DCLK3: variants seen among roughly 807,000 people sequenced by gnomAD.
DCLK3 encodes the protein doublecortin like kinase 3.
A neutral mutation model predicts 46.4 loss-of-function variants in DCLK3; 30 were observed. The observed-to-expected ratio is 0.65, with a 90% CI of 0.48 to 0.88. DCLK3 has a LOEUF of 0.88. DCLK3 is among the 40% of genes least tolerant of loss of function. DCLK3 has a pLI of 0.00. For synonymous variants in DCLK3, 401 were observed against 339.2 expected (o/e 1.18, Z -2.00); for missense variants, 846 against 907.1 (o/e 0.93, Z 0.87).
intron 1 of DCLK3, among the ~76,000 whole-genome samples, chr3:36,753,009 G>A (rs1469729966): frequency 6.6e-6 from 1 of 152,082 alleles, no homozygotes; most frequent in Non-Finnish European, 1.5e-5. Context: ...ACTAAAAATT[G>A]ATATTGTCAA....
chr3:36,763,455 T>A (rs987359975), intron 1 of DCLK3, among the ~76,000 whole-genome samples: 3 of 152,372 alleles, frequency 2.0e-5, no homozygotes, highest in Non-Finnish European at 2.9e-5. Flanking sequence ...GTAAATGTGA[T>A]CCTATATTTG....
At chr3:36,753,377 G>A (rs560761360) in intron 1 of DCLK3, among the ~76,000 whole-genome samples, 1 of 152,236 alleles carries the variant, frequency 6.6e-6, no homozygotes, top group Non-Finnish European at 1.5e-5. Context: ...TTTGTGGCCA[G>A]GTGAACATGT....
intron 2 of DCLK3, among the ~76,000 whole-genome samples, chr3:36,725,459 G>A (rs1701115907): frequency 6.6e-6 from 1 of 151,986 alleles, no homozygotes; most frequent in Non-Finnish European, 1.5e-5. Context: ...TCTACAAATA[G>A]TAAAAATATT....
intron 2 of DCLK3, 100 bp from the exon 3 acceptor site, chr3:36,721,759 A>G: frequency 7.1e-7 from 1 of 1,411,320 alleles, no homozygotes; most frequent in Non-Finnish European, 9.9e-7. Flanking sequence ...AAAGCAAACC[A>G]TAAACCTATA....
chr3:36,716,189 G>C (rs1357520492), intron 4 of DCLK3, among the ~76,000 whole-genome samples: 1 of 152,186 alleles, frequency 6.6e-6, no homozygotes, highest in African/African-American at 2.4e-5. Context: ...AAGCAGAAGA[G>C]ATTTCCCCCT....
In DCLK3 at chr3:36,738,229, C is replaced by A; in HGVS notation, c.938G>T (p.Arg313Ile). The change falls in exon 2 of 5, where the codon AGA (arginine) becomes ATA (isoleucine). Residue 313 changes from arginine to isoleucine, a missense_variant. Physicochemically the swap from Arg to Ile is moderately conservative, Grantham distance 97. Transcript: ENST00000636136. ...CAGGCTCTGCTGGAGCTCCCTCTCT[C>A]TCTTGCACTTCTCGCATCTGATAAT... ...GEIIRCEKCK[R>I]ERELQQSLER... is the part of the protein sequence containing the mutation. 2 of 1,595,672 alleles carry A rather than the reference C, an allele frequency of 1.3e-6. No individual in the cohort carries two copies. Among genetic ancestry groups the A allele is most frequent in the South Asian group, 1.1e-5 (1 of 87,408 alleles).
rs1701569689 is a variant in DCLK3 at position 36,764,534 on chromosome 3, A to G, written c.-271T>C. 6.6e-6 allele frequency among the ~76,000 whole-genome samples: 1 copy of G among 151,858 alleles called. No homozygotes were observed. The highest frequency in any genetic ancestry group is 6.5e-5 in the Admixed American group (1 of 15,272). The stretch of plus-strand genomic sequence containing the variant: ...CCGCCCTCTCTGCGCCGGTCCCGCC[A>G]TGCGCGCCGCTCCTGGCCCTGGAGG... On this transcript the variant is annotated 5_prime_UTR_variant, in exon 1 of 5. The change abolishes an upstream ATG in the 5' untranslated region. Transcript: ENST00000636136. The surrounding 1 kb of genome is among the most constrained non-coding windows in gnomAD (Gnocchi z 4.9).
At chr3:36,746,322 C>T (rs1701392899) in intron 1 of DCLK3, among the ~76,000 whole-genome samples, 1 of 152,176 alleles carries the variant, frequency 6.6e-6, no homozygotes, top group Non-Finnish European at 1.5e-5. Flanking sequence ...AAGCTACTCG[C>T]AAATTTAAAG....
rs1559390583 is a variant in DCLK3, at chr3:36,737,191, CA to C, written c.1959+16del. On this transcript the variant is annotated intron_variant, in intron 2 of 4. Coordinates refer to ENST00000636136, the MANE Select transcript of DCLK3 (RefSeq NM_001394672.2). The surrounding 1 kb of genome is among the most constrained non-coding windows in gnomAD (Gnocchi z 4.4). The stretch of plus-strand genomic sequence containing the variant: ...CTAAAAACACCCTCTCCCATATCAT[CA>C]AAAGTCAAGGCTTACCAAAAGGTTT... The C allele has an allele frequency of 1.2e-6, 2 of 1,605,874 alleles. No individual in the cohort carries two copies. Among genetic ancestry groups the C allele is most frequent in the Non-Finnish European group, 1.7e-6 (2 of 1,174,852 alleles).
At chr3:36,721,052 T>G (rs990044267) in intron 3 of DCLK3, among the ~76,000 whole-genome samples, 1 of 152,326 alleles carries the variant, frequency 6.6e-6, no homozygotes. Context: ...ATTGGATCCT[T>G]GCATAATATA....
Position 36,718,183 on chromosome 3 carries a change from C to T in DCLK3, c.2093-6G>A. On this transcript the variant is annotated splice_region_variant and splice_polypyrimidine_tract_variant and intron_variant, in intron 3 of 4. Coordinates refer to ENST00000636136, the MANE Select transcript of DCLK3 (RefSeq NM_001394672.2). ...GTCCACCTCCAGTCCATAACCTGCG[C>T]AGACAGAGGCAGAGACACAAGCAAA... 1 of 1,613,668 alleles carries T rather than the reference C, an allele frequency of 6.2e-7. No homozygotes were observed. Among genetic ancestry groups the T allele is most frequent in the Non-Finnish European group, 8.5e-7 (1 of 1,179,968 alleles).
intron 1 of DCLK3, among the ~76,000 whole-genome samples, chr3:36,756,411 G>A (rs1161219589): frequency 2.0e-5 from 3 of 152,178 alleles, no homozygotes; most frequent in Non-Finnish European, 4.4e-5. Flanking sequence ...GTGTTGCAGT[G>A]GCTTGCAGTG....
chr3:36,723,336 T>C (rs1378756936), intron 2 of DCLK3, among the ~76,000 whole-genome samples: 1 of 152,132 alleles, frequency 6.6e-6, no homozygotes, highest in Non-Finnish European at 1.5e-5. Context: ...TTTGGAAAAT[T>C]TGCAGCCTGA....
chr3:36,763,836 T>A (rs532009026), intron 1 of DCLK3, among the ~76,000 whole-genome samples: 1 of 152,344 alleles, frequency 6.6e-6, no homozygotes, highest in Non-Finnish European at 1.5e-5. Flanking sequence ...GCCTTCTCCC[T>A]TCTGCAGCCT....
chr3:36,761,116 G>A (rs1475933437), intron 1 of DCLK3, among the ~76,000 whole-genome samples: 1 of 152,170 alleles, frequency 6.6e-6, no homozygotes, highest in Non-Finnish European at 1.5e-5. Flanking sequence ...GTCCCTTCAT[G>A]CAGCCACTGA....
chr3:36,715,179 T>G lies in DCLK3; in HGVS notation c.*149A>C, dbSNP rs533805237. The stretch of plus-strand genomic sequence containing the variant: ...TGACATTTAACATTGACTTAATTTT[T>G]TTAATATGCTTTAAAATATACTCAG... On this transcript the variant is annotated 3_prime_UTR_variant, in exon 5 of 5. Coordinates refer to ENST00000636136, the MANE Select transcript of DCLK3 (RefSeq NM_001394672.2). 11 of 855,176 alleles carry G rather than the reference T, an allele frequency of 1.3e-5. No homozygotes were observed. In the African/African-American group the frequency reaches 1.4e-4, roughly 11 times the overall value. 53.0% of individuals were successfully genotyped at this position (855,176 alleles called of 1,614,324 possible). A position where few individuals can be genotyped will look rare whatever the true frequency, so the allele number is the denominator to read the frequency against.
chr3:36,751,081 A>AC (rs1026220072), intron 1 of DCLK3, among the ~76,000 whole-genome samples: 1 of 151,492 alleles, frequency 6.6e-6, no homozygotes, highest in Non-Finnish European at 1.5e-5. Context: ...AAAAAAAAAA[A>AC]AAAAACTCCC....
At chr3:36,725,032 G>A (rs1575136550) in intron 2 of DCLK3, among the ~76,000 whole-genome samples, 2 of 147,640 alleles carry the variant, frequency 1.4e-5, no homozygotes, top group South Asian at 4.3e-4. Context: ...AAAAAAAAAT[G>A]GGCCGGGCTC....
Position 36,737,310 on chromosome 3 carries a change from C to T in DCLK3, c.1857G>A (p.Pro619=), listed in dbSNP as rs528794239. Residue 619 remains proline, a synonymous_variant, in exon 2 of 5, where the codon CCG becomes CCA. Coordinates refer to ENST00000636136, the MANE Select transcript of DCLK3 (RefSeq NM_001394672.2). This position sits in a 1 kb window ranked among gnomAD's most constrained non-coding sequence, Gnocchi z 4.4. ...TGATCATGAGGGCAGCATCGGGCTC[C>T]GGGAACTTCACACTTTCTATGATGG... The part of the protein sequence containing the change: ...FDAIIESVKF[P]EPDAALMIMD... 2.0e-5 allele frequency: 33 copies of T among 1,614,068 alleles called. No individual in the cohort carries two copies. The highest frequency in any genetic ancestry group is 6.7e-5 in the Admixed American group (4 of 60,018).
Sources: allele counts gnomAD v4.1 joint callset (sites outside exome capture counted in the v4.1 genomes callset), GRCh38; gene constraint gnomAD v4.1.1; non-coding constraint Gnocchi (gnomAD v3.1); transcripts MANE v1.5; gene names NCBI Gene and HGNC (gene_info 2026-07-23, HGNC 2026-07-21).